The following EIF4B variants were observed in gnomAD, a reference collection of about 807,000 sequenced individuals.
The protein encoded by EIF4B is eukaryotic translation initiation factor 4B.
Under a neutral mutation model 79.3 loss-of-function variants are expected in EIF4B, and 8 were observed. That is an observed-to-expected ratio of 0.10 (90% CI 0.06 to 0.18). The LOEUF (loss-of-function observed/expected upper bound fraction) is 0.18. Among genes scored for constraint, EIF4B ranks in the 10% least tolerant of loss-of-function variants. The pLI is 1.00. For missense variants in EIF4B, 515 were observed against 792.4 expected (o/e 0.65, Z 4.20); for synonymous variants, 238 against 274.7 (o/e 0.87, Z 1.32).
intron 6 of EIF4B, among the ~76,000 whole-genome samples, chr12:53,027,137 A>AATTTTTTTTTTTTTTTTTTTT (rs1491387300): frequency 7.8e-5 from 2 of 25,744 alleles, no homozygotes; most frequent in East Asian, 1.7e-3. Flanking sequence ...AAAAAAAAAA[A>AATTTTTTTTTTTTTTTTTTTT]TTTTTTTTTT....
chr12:53,013,277 T>G (rs1943095179), intron 1 of EIF4B, among the ~76,000 whole-genome samples: 1 of 152,226 alleles, frequency 6.6e-6, no homozygotes. Flanking sequence ...CAGTTCTGTT[T>G]TTATCCTCCC....
At chr12:53,025,803 G>A (rs1234552030) in intron 6 of EIF4B, among the ~76,000 whole-genome samples, 3 of 152,102 alleles carry the variant, frequency 2.0e-5, no homozygotes, top group Non-Finnish European at 4.4e-5. Context: ...TTAAAAGACA[G>A]CAGCCACAAG....
Position 53,032,047 on chromosome 12 carries a change from A to G in EIF4B, c.980-1759A>G, listed in dbSNP as rs1215237015. ...TCTGACAACTTGAATTGAGGAAGAA[A>G]TCAGACTGCCTGCCTTAAGAGTTTA... is the stretch of plus-strand genomic sequence containing the variant. On this transcript the variant is annotated intron_variant, in intron 8 of 14. Coordinates refer to ENST00000262056, the MANE Select transcript of EIF4B (RefSeq NM_001417.7). Among the ~76,000 whole-genome samples the G allele has an allele frequency of 6.2e-5, 3 of 48,758 alleles. No homozygotes were observed. The East Asian group carries it at 1.9e-3, about 30-fold the overall frequency. The allele number at this position is 48,758 out of a possible 152,430, so 32.0% of individuals were successfully genotyped here.
At chr12:53,006,523 GGACTGGGCTCT>G in intron 1 of EIF4B, 27 bp downstream of exon 1, 1 of 1,613,498 alleles carries the variant, frequency 6.2e-7, no homozygotes, top group East Asian at 2.2e-5. Flanking sequence ...GCGCGGCCAA[GGACTGGGCTCT>G]GAAACCCCCC....
At chr12:53,026,664 C>CA (rs1424291429) in intron 6 of EIF4B, among the ~76,000 whole-genome samples, 1 of 151,938 alleles carries the variant, frequency 6.6e-6, no homozygotes, top group Non-Finnish European at 1.5e-5. Context: ...TGCCTTGGCA[C>CA]AATCTTGGAT....
chr12:53,010,588 C>T (rs1053673359), intron 1 of EIF4B, among the ~76,000 whole-genome samples: 9 of 151,976 alleles, frequency 5.9e-5, no homozygotes, highest in Non-Finnish European at 4.4e-5. Context: ...TGTGTTTATG[C>T]AATGTTGTTG....
chr12:53,028,262 G>T (rs371253854), intron 8 of EIF4B, 74 bp downstream of exon 8: 14 of 1,504,528 alleles, frequency 9.3e-6, no homozygotes, highest in Non-Finnish European at 1.2e-5. Context: ...ATTGTGTTAC[G>T]AACTACTGAG....
intron 4 of EIF4B, among the ~76,000 whole-genome samples, chr12:53,020,569 A>G (rs1292891890): frequency 1.3e-5 from 2 of 152,140 alleles, no homozygotes. Context: ...CCAGGACTTG[A>G]GGGGCTTATA....
chr12:53,034,953 TC>T (rs1451393385), intron 10 of EIF4B, among the ~76,000 whole-genome samples: 99 of 109,318 alleles, frequency 9.1e-4, no homozygotes, highest in African/African-American at 2.8e-3. Context: ...GGTTTGTCTC[TC>T]TCTTTTTTTT....
intron 6 of EIF4B, among the ~76,000 whole-genome samples, chr12:53,023,296 G>A (rs1452492919): frequency 2.0e-5 from 3 of 152,192 alleles, no homozygotes; most frequent in African/African-American, 7.2e-5. Context: ...GCAGTGGCGT[G>A]ACCTTGGCTC....
chr12:53,013,196 A>C (rs1057045551), intron 1 of EIF4B, among the ~76,000 whole-genome samples: 5 of 152,200 alleles, frequency 3.3e-5, no homozygotes, highest in African/African-American at 4.8e-5. Flanking sequence ...ATATAGAACA[A>C]AGAGGAAAGG....
chr12:53,016,600 G>A lies in EIF4B; in HGVS notation c.141G>A (p.Leu47=). The A allele has an allele frequency of 7.0e-6, 11 of 1,581,538 alleles. No individual in the cohort carries two copies. The highest frequency in any genetic ancestry group is 9.4e-6 in the Non-Finnish European group (11 of 1,167,300). The part of the protein sequence containing the change: ...PVSWADETDD[L]EGDVSTTWHS... ...GCTGGGCTGATGAAACGGATGACCT[G>A]GAAGGAGATGGTAACTTTTCTTTTG... Residue 47 remains leucine, a synonymous_variant, in exon 2 of 15, where the codon CTG becomes CTA. Coordinates refer to ENST00000262056, the MANE Select transcript of EIF4B (RefSeq NM_001417.7).
At chr12:53,027,603 C>T (rs780204040) in intron 6 of EIF4B, among the ~76,000 whole-genome samples, 179 bp from the exon 7 acceptor site, 14 of 152,050 alleles carry the variant, frequency 9.2e-5, no homozygotes, top group Non-Finnish European at 1.6e-4. Context: ...TTTTAATTTC[C>T]AACCCACCCT....
rs1161608040 is a variant in EIF4B at position 53,036,077 on chromosome 12, C to A, written c.1307-1332C>A. Reference sequence around the variant, plus strand: ...GGGATTACAGACGTGAGCCACCATGCCTGGCCTTCTATTTTTTTTATTTTT... The same window carrying A: ...GGGATTACAGACGTGAGCCACCATGACTGGCCTTCTATTTTTTTTATTTTT... On this transcript the variant is annotated intron_variant, in intron 10 of 14. Coordinates refer to ENST00000262056, the MANE Select transcript of EIF4B (RefSeq NM_001417.7). Among the ~76,000 whole-genome samples, 3 of 64,952 alleles carry A rather than the reference C, an allele frequency of 4.6e-5. No individual in the cohort carries two copies. The East Asian group carries it at 1.4e-3, about 31-fold the overall frequency. The allele number at this position is 64,952 out of a possible 152,430, so 42.6% of individuals were successfully genotyped here.
intron 1 of EIF4B, among the ~76,000 whole-genome samples, chr12:53,008,921 G>T (rs1021211976): frequency 1.3e-5 from 2 of 152,054 alleles, no homozygotes; most frequent in Admixed American, 1.3e-4. Context: ...TGTAATCCCA[G>T]CTACTCCGGA....
Position 53,028,114 on chromosome 12 carries a change from A to G in EIF4B, c.905A>G (p.Tyr302Cys), listed in dbSNP as rs766726241. ...GGCGGGGACCGCTATGAAGACCGATATGACAGACGGGATGATCGGTCGTGG... is the reference window on the plus strand; with the variant it reads ...GGCGGGGACCGCTATGAAGACCGATGTGACAGACGGGATGATCGGTCGTGG... The part of the protein sequence containing the change: ...RGGGDRYEDR[Y>C]DRRDDRSWSS... Residue 302 changes from tyrosine to cysteine, a missense_variant, in exon 8 of 15, where the codon TAT becomes TGT. Physicochemically the swap from Tyr to Cys is radical, Grantham distance 194. Around this residue, in one of 6 missense-constraint regions of EIF4B, gnomAD observed 187 missense variants for 256.5 expected, o/e 0.73. Coordinates refer to ENST00000262056, the MANE Select transcript of EIF4B (RefSeq NM_001417.7). The G allele has an allele frequency of 2.5e-6, 4 of 1,613,996 alleles. No homozygotes were observed. The highest frequency in any genetic ancestry group is 1.7e-5 in the Admixed American group (1 of 59,980).
intron 4 of EIF4B, among the ~76,000 whole-genome samples, chr12:53,021,330 G>T (rs759224258): frequency 6.6e-5 from 10 of 152,138 alleles, no homozygotes; most frequent in Non-Finnish European, 1.3e-4. Flanking sequence ...ACAGTGTCTC[G>T]CTATATTGCC....
intron 11 of EIF4B, 158 bp downstream of exon 11, chr12:53,037,780 AGTT>A (rs1943564325): frequency 1.3e-6 from 1 of 775,350 alleles, no homozygotes; most frequent in Non-Finnish European, 2.1e-6. Flanking sequence ...CATAAGACCT[AGTT>A]GTTCCATTTT....
At chr12:53,021,951 T>G (rs2120926028) in intron 5 of EIF4B, 91 bp downstream of exon 5, 2 of 1,459,818 alleles carry the variant, frequency 1.4e-6, no homozygotes, top group Non-Finnish European at 9.5e-7. Flanking sequence ...GGGGTAGTGG[T>G]GGGCCTGCCT....
Sources: gnomAD v4.1 joint callset for allele counts (sites outside exome capture counted in the v4.1 genomes callset) on GRCh38, gnomAD v4.1.1 for gene constraint, gnomAD v4.1.1 regional missense constraint, MANE v1.5 for transcripts, NCBI Gene and HGNC (gene_info 2026-07-23, HGNC 2026-07-21) for gene names.